The following ARHGAP29 variants were observed in gnomAD, a reference collection of about 807,000 sequenced individuals.
ARHGAP29 encodes rho GTPase-activating protein 29.
In ARHGAP29, 43 loss-of-function variants were observed where a neutral mutation model predicts 122.6. That is an observed-to-expected ratio of 0.35 (90% CI 0.27 to 0.45). ARHGAP29 has a LOEUF of 0.45. Ranked by LOEUF, ARHGAP29 falls within the 20% of genes least tolerant of loss-of-function variation. The pLI is 1.00. For synonymous variants in ARHGAP29, 506 were observed against 497.1 expected (o/e 1.02, Z -0.24); for missense variants, 1,303 against 1,477.2 (o/e 0.88, Z 1.93).
chr1:94,189,131 T>A, intron 14 of ARHGAP29, 85 bp downstream of exon 14: 1 of 1,497,736 alleles, frequency 6.7e-7, no homozygotes, highest in Non-Finnish European at 9.0e-7. Flanking sequence ...GATTTTTAAA[T>A]TCCAGAGCAC....
At chr1:94,282,782 C>T in the ARHGAP29 span, among the ~76,000 whole-genome samples, 1 of 152,248 alleles carries the variant, frequency 6.6e-6, no homozygotes, top group South Asian at 2.1e-4. Context: ...TGGACTGCTT[C>T]ATACTGCAGA....
At chr1:94,182,842 A>AAAACG (rs1219453311) in intron 19 of ARHGAP29, among the ~76,000 whole-genome samples, 1 of 152,092 alleles carries the variant, frequency 6.6e-6, no homozygotes, top group Non-Finnish European at 1.5e-5. Context: ...AAAACAAAAC[A>AAAACG]AAACAAAACA....
chr1:94,259,852 G>A (rs1654491742), intron 1 of ARHGAP29, among the ~76,000 whole-genome samples: 1 of 152,216 alleles, frequency 6.6e-6, no homozygotes, highest in African/African-American at 2.4e-5. Context: ...TTTCAAGATG[G>A]AACAGGAATC....
Position 94,178,931 on chromosome 1 carries a change from C to T in ARHGAP29, c.2481-764G>A, listed in dbSNP as rs185490747. On this transcript the variant is annotated intron_variant, in intron 20 of 22. Transcript: ENST00000260526. ...GTGACTTTGTGCCTGGAATGCTCTT[C>T]TGTGTAATTTTGCCCACCAAGATAC... Among the ~76,000 whole-genome samples, 610 of 152,298 alleles carry T rather than the reference C, an allele frequency of 4.0e-3. 13 individuals are homozygous for T. The highest frequency in any genetic ancestry group is 1.7e-3 in the Non-Finnish European group (119 of 68,024).
In ARHGAP29 at chr1:94,201,974, T is replaced by C. The variant is rs904898745; in HGVS notation, c.1144-117A>G. The C allele has an allele frequency of 6.5e-5, 66 of 1,016,786 alleles. No individual in the cohort carries two copies. In the African/African-American group the frequency reaches 1.1e-3, roughly 17 times the overall value. The allele number at this position is 1,016,786 out of a possible 1,614,324, so 63.0% of individuals were successfully genotyped here. ...ATTCTGAAATCTTCTGTTTTCAAAATAATACTTCTGAAGTTAATCTGTTCT... is the reference window on the plus strand; with the variant it reads ...ATTCTGAAATCTTCTGTTTTCAAAACAATACTTCTGAAGTTAATCTGTTCT... On this transcript the variant is annotated intron_variant, in intron 11 of 22. Coordinates refer to ENST00000260526, the MANE Select transcript of ARHGAP29 (RefSeq NM_004815.4).
chr1:94,223,886 C>T (rs908885280), intron 2 of ARHGAP29, among the ~76,000 whole-genome samples: 2 of 151,794 alleles, frequency 1.3e-5, no homozygotes, highest in Non-Finnish European at 2.9e-5. Flanking sequence ...CAGCTCAGTG[C>T]AACCTCTGCC....
chr1:94,246,011 T>C (rs1287850118), intron 1 of ARHGAP29, among the ~76,000 whole-genome samples: 2 of 152,220 alleles, frequency 1.3e-5, no homozygotes, highest in African/African-American at 4.8e-5. Context: ...CCAACCACTA[T>C]ACATTCTTGG....
intron 1 of ARHGAP29, among the ~76,000 whole-genome samples, chr1:94,271,799 G>A (rs1020768651): frequency 6.6e-6 from 1 of 152,160 alleles, no homozygotes; most frequent in Admixed American, 6.5e-5. Flanking sequence ...TCGAAGTTCT[G>A]TTCCCCAAAG....
chr1:94,193,133 T>G (rs1650227826), intron 12 of ARHGAP29: 1 of 151,980 alleles, frequency 6.6e-6, no homozygotes, highest in Non-Finnish European at 1.5e-5. Flanking sequence ...GAAAATTTAT[T>G]GCTGAAAAAT....
At chr1:94,235,344 T>C (rs1557880363) in intron 1 of ARHGAP29, among the ~76,000 whole-genome samples, 1 of 152,174 alleles carries the variant, frequency 6.6e-6, no homozygotes, top group Non-Finnish European at 1.5e-5. Context: ...TATTCTCTTG[T>C]TGGAAGTAAC....
chr1:94,206,770 T>C (rs896687306), intron 5 of ARHGAP29, among the ~76,000 whole-genome samples: 1 of 151,760 alleles, frequency 6.6e-6, no homozygotes, highest in East Asian at 1.9e-4. Context: ...GTAGCACATG[T>C]CTGTGGTCCC....
At chr1:94,272,831 C>A (rs903744356) in intron 1 of ARHGAP29, among the ~76,000 whole-genome samples, 12 of 152,172 alleles carry the variant, frequency 7.9e-5, no homozygotes, top group African/African-American at 2.7e-4. Context: ...AGATCTTATG[C>A]GTGTCTAATT....
chr1:94,200,606 C>T (rs987711007), intron 12 of ARHGAP29, among the ~76,000 whole-genome samples: 3 of 152,170 alleles, frequency 2.0e-5, no homozygotes, highest in African/African-American at 4.8e-5. Flanking sequence ...TATTCTGCGG[C>T]TCTATTCATA....
In ARHGAP29 at chr1:94,170,662, A is replaced by G. The variant is rs1450457948; in HGVS notation, c.*3207T>C. Among the ~76,000 whole-genome samples, 2 of 152,176 alleles carry G rather than the reference A, an allele frequency of 1.3e-5. No homozygotes were observed. Among genetic ancestry groups the G allele is most frequent in the Admixed American group, 1.3e-4 (2 of 15,278 alleles). On this transcript the variant is annotated 3_prime_UTR_variant, in exon 23 of 23. Transcript: ENST00000260526. ...ACAGTAGATAGAGGTAATAATGCAA[A>G]AAATATTTTGGTTGGGATTACATTG...
chr1:94,224,712 A>G (rs2101596569), intron 2 of ARHGAP29, among the ~76,000 whole-genome samples: 1 of 152,258 alleles, frequency 6.6e-6, no homozygotes. Flanking sequence ...ACTATATCCA[A>G]TCTGTCCCTG....
At chr1:94,181,414 A>T (rs961891947) in intron 19 of ARHGAP29, among the ~76,000 whole-genome samples, 11 of 152,318 alleles carry the variant, frequency 7.2e-5, no homozygotes, top group Middle Eastern at 3.4e-3. Flanking sequence ...ACAGACGGGC[A>T]ACTATCTGAA....
At chr1:94,185,969 A>T (rs534963255) in intron 16 of ARHGAP29, among the ~76,000 whole-genome samples, 34 of 152,188 alleles carry the variant, frequency 2.2e-4, no homozygotes, top group Admixed American at 4.6e-4. Context: ...GAGGTCACAT[A>T]TTCCATTAAT....
intron 1 of ARHGAP29, among the ~76,000 whole-genome samples, chr1:94,270,978 T>C (rs1325405371): frequency 1.3e-5 from 2 of 152,174 alleles, no homozygotes; most frequent in Non-Finnish European, 2.9e-5. Flanking sequence ...GGGTTAGAAA[T>C]CCAGGTGTGG....
intron 1 of ARHGAP29, among the ~76,000 whole-genome samples, chr1:94,249,103 A>C (rs1653975998): frequency 6.6e-6 from 1 of 152,246 alleles, no homozygotes. Flanking sequence ...TTGGCAAAGA[A>C]ACTAAAAAAT....
Sources: allele counts gnomAD v4.1 joint callset (sites outside exome capture counted in the v4.1 genomes callset), GRCh38; gene constraint gnomAD v4.1.1; transcripts MANE v1.5; gene names NCBI Gene and HGNC (gene_info 2026-07-23, HGNC 2026-07-21).